GTF3C3: variants seen among roughly 807,000 people sequenced by gnomAD.
GTF3C3 encodes the protein general transcription factor 3C polypeptide 3.
Under a neutral mutation model 105.2 loss-of-function variants are expected in GTF3C3, and 75 were observed. The observed-to-expected ratio is 0.71, with a 90% CI of 0.59 to 0.86. The LOEUF (loss-of-function observed/expected upper bound fraction) is 0.86. Among genes scored for constraint, GTF3C3 ranks in the 40% least tolerant of loss-of-function variants. The pLI is 0.00. For synonymous variants in GTF3C3, 335 were observed against 370.4 expected, an observed-to-expected ratio of 0.90 and a Z score of 1.10; for missense variants, 856 against 1,076.5, an observed-to-expected ratio of 0.80 and a Z score of 2.87.
In GTF3C3 at chr2:196,766,736, A is replaced by ATAAT; in HGVS notation, c.2386-23_2386-20dup. The ATAAT allele has an allele frequency of 6.3e-7, 1 of 1,588,648 alleles. No individual in the cohort carries two copies. The highest frequency in any genetic ancestry group is 8.6e-7 in the Non-Finnish European group (1 of 1,163,456). On this transcript the variant is annotated intron_variant, in intron 16 of 17. Transcript: ENST00000263956. ...AAAAGCCCTAACCAAAAAGAAAAAG[A>ATAAT]TAATTCAATATTTCACTGATTTGAC...
chr2:196,769,723 G>A lies in GTF3C3; in HGVS notation c.2385+192C>T, dbSNP rs925273013. On this transcript the variant is annotated intron_variant, in intron 16 of 17. Transcript: ENST00000263956. ...TCTGGCTGTGTACCTTTACTATATCGCTGTAATAAGTCTTAATCATGAGTA... is the reference window on the plus strand; with the variant it reads ...TCTGGCTGTGTACCTTTACTATATCACTGTAATAAGTCTTAATCATGAGTA... Among the ~76,000 whole-genome samples the A allele has an allele frequency of 9.2e-5, 14 of 152,102 alleles. No individual in the cohort carries two copies. In the East Asian group the frequency reaches 9.6e-4, roughly 10 times the overall value.
In GTF3C3 at chr2:196,792,708, C is replaced by T. The variant is rs370035403; in HGVS notation, c.411+248G>A. Among the ~76,000 whole-genome samples the T allele has an allele frequency of 8.5e-5, 13 of 152,224 alleles. No individual in the cohort carries two copies. In the South Asian group the frequency reaches 2.1e-3, roughly 24 times the overall value. On this transcript the variant is annotated intron_variant, in intron 3 of 17. Coordinates refer to ENST00000263956, the MANE Select transcript of GTF3C3 (RefSeq NM_012086.5). ...GCTGAAGTGCTGCAGCCTTGACTTC[C>T]CCAGGCTCAGCTGATCCTACCTCAG...
At chr2:196,781,859 A>T (rs1699371102) in intron 8 of GTF3C3, among the ~76,000 whole-genome samples, 2 of 152,134 alleles carry the variant, frequency 1.3e-5, no homozygotes, top group South Asian at 4.1e-4. Flanking sequence ...ACCATGTCTG[A>T]CTCAAGGCTG....
At chr2:196,781,357 A>AAAAAAAATATAT in intron 8 of GTF3C3, among the ~76,000 whole-genome samples, 3 of 18,806 alleles carry the variant, frequency 1.6e-4, no homozygotes, top group African/African-American at 2.1e-4. Flanking sequence ...AAAAAAAAAA[A>AAAAAAAATATAT]ATATATATAT....
intron 8 of GTF3C3, among the ~76,000 whole-genome samples, chr2:196,783,836 T>C (rs1699409962): frequency 6.6e-6 from 1 of 152,144 alleles, no homozygotes; most frequent in Non-Finnish European, 1.5e-5. Context: ...CCGCCTCCAC[T>C]TCCTTGAGAG....
At chr2:196,796,480 G>A (rs1444817600) in intron 2 of GTF3C3, among the ~76,000 whole-genome samples, 2 of 152,204 alleles carry the variant, frequency 1.3e-5, no homozygotes, top group African/African-American at 4.8e-5. Context: ...CACAAATTGT[G>A]AGAACAACTT....
chr2:196,791,387 C>T lies in GTF3C3; in HGVS notation c.485G>A (p.Arg162Gln), dbSNP rs757675776. The change falls in exon 4 of 18, where the codon CGA becomes CAA. Residue 162 changes from arginine to glutamine, a missense_variant. Arg to Gln is a conservative substitution (Grantham distance 43). Around this residue, in one of 3 missense-constraint regions of GTF3C3, gnomAD observed 605 missense variants for 833.6 expected, o/e 0.73. Transcript: ENST00000263956. ...CAATATCGCCTCTTCACGTTCTCCT[C>T]GAGCAAAACGAATGTTGGCTTCACC... ...LMGEANIRFA[R>Q]GEREEAILMC... The T allele has an allele frequency of 6.8e-6, 11 of 1,613,926 alleles. No homozygotes were observed. The highest frequency in any genetic ancestry group is 2.2e-5 in the South Asian group (2 of 91,080).
chr2:196,766,771 C>A, intron 16 of GTF3C3, 54 bp from the exon 17 acceptor site: 2 of 1,379,864 alleles, frequency 1.4e-6, no homozygotes, highest in Admixed American at 1.9e-5. Flanking sequence ...CAATTATGTA[C>A]TAGACCACTG....
chr2:196,783,853 A>G (rs977281474), intron 8 of GTF3C3, among the ~76,000 whole-genome samples: 2 of 152,174 alleles, frequency 1.3e-5, no homozygotes, highest in African/African-American at 4.8e-5. Flanking sequence ...AGAGCAGGAA[A>G]TATCATACTC....
intron 6 of GTF3C3, among the ~76,000 whole-genome samples, chr2:196,788,280 C>CCT (rs1576032557): frequency 1.3e-5 from 2 of 152,284 alleles, no homozygotes; most frequent in East Asian, 3.9e-4. Context: ...TAGGGTCACC[C>CCT]CTAATGTACC....
rs1699263623 is a variant in GTF3C3 at position 196,776,680 on chromosome 2, T to G, written c.1391-51A>C. 1 of 1,256,450 alleles carries G rather than the reference T, an allele frequency of 8.0e-7. No homozygotes were observed. Among genetic ancestry groups the G allele is most frequent in the Non-Finnish European group, 1.1e-6 (1 of 871,188 alleles). 77.8% of individuals were successfully genotyped at this position (1,256,450 alleles called of 1,614,324 possible). On this transcript the variant is annotated intron_variant, in intron 10 of 17. Transcript: ENST00000263956. This position sits in a 1 kb window ranked among gnomAD's most constrained non-coding sequence, Gnocchi z 4.5. ...AAGTATGAACTACAGATTTGTAAAC[T>G]GGCCACAATTACTCTTCCATTTTAA...
At chr2:196,772,159 A>G (rs1048329146) in intron 14 of GTF3C3, among the ~76,000 whole-genome samples, 16 of 152,232 alleles carry the variant, frequency 1.1e-4, no homozygotes, top group African/African-American at 3.9e-4. Flanking sequence ...TCTTATTTCT[A>G]CTTTCAACAA....
rs142032673 is a variant in GTF3C3 at position 196,788,871 on chromosome 2, C to A, written c.893+333G>T. 1.1e-3 allele frequency among the ~76,000 whole-genome samples: 166 copies of A among 152,102 alleles called. No individual in the cohort carries two copies. In the East Asian group the frequency reaches 0.019, roughly 17 times the overall value. On this transcript the variant is annotated intron_variant, in intron 6 of 17. Transcript: ENST00000263956. ...CTTGAGGTCAGGAGTTCGAGACCAG[C>A]CTGAACAACACAGCAAGACCCTGTC...
chr2:196,772,467 G>A lies in GTF3C3; in HGVS notation c.2069+449C>T, dbSNP rs181721471. 1.1e-3 allele frequency among the ~76,000 whole-genome samples: 167 copies of A among 152,274 alleles called. No homozygotes were observed. In the East Asian group the frequency reaches 0.019, roughly 17 times the overall value. On this transcript the variant is annotated intron_variant, in intron 14 of 17. Coordinates refer to ENST00000263956, the MANE Select transcript of GTF3C3 (RefSeq NM_012086.5). ...GGAGGCTGAGGCAGGAGAATCGCTT[G>A]AACCTGGGAGGCGGAGGTTGCGGTG...
intron 10 of GTF3C3, chr2:196,777,875 T>G (rs1189144602): frequency 6.6e-6 from 1 of 152,232 alleles, no homozygotes. Context: ...AGGAGCAGTT[T>G]CAATATCACA....
At chr2:196,789,524 A>G (rs544274695) in intron 5 of GTF3C3, among the ~76,000 whole-genome samples, 155 bp from the exon 6 acceptor site, 2 of 152,354 alleles carry the variant, frequency 1.3e-5, no homozygotes, top group African/African-American at 2.4e-5. Context: ...GGAACTCTTG[A>G]CTAGGTTTGA....
At chr2:196,768,981 C>G (rs1029354013) in intron 16 of GTF3C3, among the ~76,000 whole-genome samples, 3 of 152,054 alleles carry the variant, frequency 2.0e-5, no homozygotes, top group Admixed American at 6.6e-5. Flanking sequence ...AATTTATACA[C>G]AATCCTACAT....
At position 196,789,378 on chromosome 2, in the gene GTF3C3, A is replaced by G; in HGVS notation, c.728-9T>C. On this transcript the variant is annotated splice_polypyrimidine_tract_variant and intron_variant, in intron 5 of 17. Transcript: ENST00000263956. ...AGGTTCATATTTAAGAGCTAAAAAG[A>G]AAGAAATACAAATTATTTACCACAA... The G allele has an allele frequency of 3.2e-6, 5 of 1,566,474 alleles. No individual in the cohort carries two copies. Among genetic ancestry groups the G allele is most frequent in the Non-Finnish European group, 3.5e-6 (4 of 1,154,100 alleles).
chr2:196,781,098 A>G (rs1699341960), intron 8 of GTF3C3, among the ~76,000 whole-genome samples: 1 of 151,936 alleles, frequency 6.6e-6, no homozygotes, highest in African/African-American at 2.4e-5. Context: ...AGGAATTTTT[A>G]TCCACATTTA....
Sources: gnomAD v4.1 joint callset for allele counts (sites outside exome capture counted in the v4.1 genomes callset) on GRCh38, gnomAD v4.1.1 for gene constraint, gnomAD v4.1.1 regional missense constraint, Gnocchi (gnomAD v3.1) non-coding constraint, MANE v1.5 for transcripts, NCBI Gene and HGNC (gene_info 2026-07-23, HGNC 2026-07-21) for gene names.